Variants in STRA6 observed in about 807,000 individuals in gnomAD.
STRA6 encodes receptor for retinol uptake STRA6.
In STRA6, 48 loss-of-function variants were observed where a neutral mutation model predicts 83.6. The observed-to-expected ratio is 0.57, with a 90% CI of 0.46 to 0.73. The LOEUF is 0.73. Among genes scored for constraint, STRA6 ranks in the 30% least tolerant of loss-of-function variants. The probability of loss-of-function intolerance (pLI) is 0.00; values close to 1 mark genes in which losing one functional copy is unlikely to be tolerated. For synonymous variants in STRA6, 353 were observed against 362.3 expected, an observed-to-expected ratio of 0.97 and a Z score of 0.29; for missense variants, 760 against 838.8, an observed-to-expected ratio of 0.91 and a Z score of 1.16.
At chr15:74,181,512 G>C in intron 16 of STRA6, 54 bp from the exon 17 acceptor site, 1 of 1,599,300 alleles carries the variant, frequency 6.3e-7, no homozygotes, top group Non-Finnish European at 8.5e-7. Context: ...TCCCTCCCCA[G>C]GGTCAGTGTC....
intron 8 of STRA6, chr15:74,191,867 C>T: frequency 2.6e-6 from 1 of 385,822 alleles, no homozygotes. Flanking sequence ...GTCCCACGGG[C>T]ACATCCTAGA....
intron 1 of STRA6, chr15:74,202,501 C>A: frequency 6.5e-7 from 1 of 1,529,144 alleles, no homozygotes; most frequent in Non-Finnish European, 8.7e-7. Flanking sequence ...CTCGTGTCCC[C>A]TCCTCCCTTC....
chr15:74,194,285 G>T, intron 7 of STRA6: 1 of 1,061,118 alleles, frequency 9.4e-7, no homozygotes, highest in Non-Finnish European at 1.2e-6. Flanking sequence ...GCCTGCCTTT[G>T]CCTACATATA....
chr15:74,205,632 A>G (rs537690677), upstream of STRA6, among the ~76,000 whole-genome samples: 14 of 152,326 alleles, frequency 9.2e-5, no homozygotes, highest in African/African-American at 2.9e-4. Flanking sequence ...CATCCAAACC[A>G]TATCGGGCAC....
At chr15:74,191,111 G>C in intron 10 of STRA6, 56 bp downstream of exon 10, 1 of 1,601,240 alleles carries the variant, frequency 6.2e-7, no homozygotes, top group East Asian at 2.3e-5. Context: ...CAGCCATTCT[G>C]TGCAAGGGAG....
In STRA6 at chr15:74,202,155, C is replaced by T. The variant is rs1466600239; in HGVS notation, c.113G>A (p.Gly38Glu). 1.0e-5 allele frequency: 15 copies of T among 1,498,422 alleles called. No individual in the cohort carries two copies. Among genetic ancestry groups the T allele is most frequent in the Middle Eastern group, 1.8e-4 (1 of 5,544 alleles). 92.8% of individuals were successfully genotyped at this position (1,498,422 alleles called of 1,614,324 possible). A position where few individuals can be genotyped will look rare whatever the true frequency, so the allele number is the denominator to read the frequency against. The change falls in exon 2 of 19, where the codon GGG (glycine) becomes GAG (glutamate). Residue 38 changes from glycine (G) to glutamate (E), a missense_variant and splice_region_variant. Physicochemically the swap from Gly to Glu is moderately conservative, Grantham distance 98. Transcript: ENST00000395105. ...TGAGGTGGGGTGGTTCCACACTTAC[C>T]CCTCTGGCTGGAGCTCCTCGCCCCC... ...PQGGEELQPEGEVPSCHTSIP... is the reference protein window; with the variant it reads ...PQGGEELQPEEEVPSCHTSIP...
chr15:74,192,294 G>C (rs1485537552), intron 8 of STRA6, among the ~76,000 whole-genome samples: 1 of 152,050 alleles, frequency 6.6e-6, no homozygotes, highest in South Asian at 2.1e-4. Context: ...GTGTCGTCCC[G>C]GGGGGCCGCT....
rs1383381146 is a variant in STRA6, at chr15:74,196,256, T to C, written c.267-109A>G. The C allele has an allele frequency of 6.1e-6, 9 of 1,483,224 alleles. No individual in the cohort carries two copies. The Admixed American group carries it at 9.7e-5, about 16-fold the overall frequency. The allele number at this position is 1,483,224 out of a possible 1,614,324, so 91.9% of individuals were successfully genotyped here. ...AGGAGGTGGAGTCAGTCCCACTTTC[T>C]AGATGGGGGAATAAGGCCCCTTCAT... On this transcript the variant is annotated intron_variant, in intron 4 of 18. Transcript: ENST00000395105.
At chr15:74,193,006 T>C (rs1026129783) in intron 8 of STRA6, among the ~76,000 whole-genome samples, 2 of 152,166 alleles carry the variant, frequency 1.3e-5, no homozygotes, top group African/African-American at 2.4e-5. Flanking sequence ...GCCTGACATA[T>C]GGTAGGTGCT....
chr15:74,210,797 A>G (rs2074355214), upstream of STRA6, among the ~76,000 whole-genome samples: 1 of 152,168 alleles, frequency 6.6e-6, no homozygotes, highest in Non-Finnish European at 1.5e-5. Flanking sequence ...AGTGACTTGG[A>G]AAAAGAGTGT....
At chr15:74,193,594 C>T (rs1032989412) in intron 8 of STRA6, among the ~76,000 whole-genome samples, 3 of 152,172 alleles carry the variant, frequency 2.0e-5, no homozygotes, top group Non-Finnish European at 2.9e-5. Flanking sequence ...CCCAGTGCCG[C>T]GGGTATCCTG....
chr15:74,190,828 T>C lies in STRA6; in HGVS notation c.927+12A>G, dbSNP rs754274445. On this transcript the variant is annotated intron_variant, in intron 11 of 18. Transcript: ENST00000395105. ...TCCAGAGGCAGATGGCAGTACAGGG[T>C]GAGGGACATACCTGGTAAATGGCCG... is the stretch of plus-strand genomic sequence containing the variant. 1.5e-5 allele frequency: 25 copies of C among 1,613,904 alleles called. No homozygotes were observed. The South Asian group carries it at 2.7e-4, about 18-fold the overall frequency.
chr15:74,202,487 G>A lies in STRA6; in HGVS notation c.-15-205C>T, dbSNP rs973639705. The A allele has an allele frequency of 9.1e-6, 14 of 1,534,274 alleles. No individual in the cohort carries two copies. The Admixed American group carries it at 1.2e-4, about 13-fold the overall frequency. ...CAAGCTGGCACGGGAAGAGGACAGGGCCTCTCGTGTCCCCTCCTCCCTTCC... is the reference window on the plus strand; with the variant it reads ...CAAGCTGGCACGGGAAGAGGACAGGACCTCTCGTGTCCCCTCCTCCCTTCC... On this transcript the variant is annotated intron_variant, in intron 1 of 18. Coordinates refer to ENST00000395105, the MANE Select transcript of STRA6 (RefSeq NM_022369.4).
intron 2 of STRA6, among the ~76,000 whole-genome samples, chr15:74,199,394 G>A (rs983279783): frequency 4.6e-5 from 7 of 152,158 alleles, no homozygotes; most frequent in African/African-American, 7.2e-5. Context: ...AACTGGGATC[G>A]TGAGTAGCAG....
rs2074302403 is a variant in STRA6, at chr15:74,208,024, GC to G, written c.-16+775del. On this transcript the variant is annotated intron_variant, in intron 1 of 18. Transcript: ENST00000323940. ...GATGTGCCCTTCCTGCAATTCTCAT[GC>G]CCCCCTCACCAACAGCATCATCATA... 8.7e-6 allele frequency: 12 copies of G among 1,372,092 alleles called. No homozygotes were observed. In the Admixed American group the frequency reaches 3.6e-4, roughly 41 times the overall value. 85.0% of individuals were successfully genotyped at this position (1,372,092 alleles called of 1,614,324 possible).
chr15:74,208,938 G>A (rs1157416669), exon 1 of STRA6: 1 of 997,520 alleles, frequency 1.0e-6, no homozygotes, highest in Non-Finnish European at 1.2e-6. Context: ...AGCACCAGCT[G>A]GGCTGGGATC....
chr15:74,208,612 C>G (rs367672532), intron 1 of STRA6, among the ~76,000 whole-genome samples: 2 of 152,108 alleles, frequency 1.3e-5, no homozygotes, highest in African/African-American at 4.8e-5. Context: ...CCCCAGTGTC[C>G]CCTGAGGGCA....
At position 74,182,150 on chromosome 15, in the gene STRA6, T is replaced by C. The variant is rs999866606; in HGVS notation, c.1520+11A>G. 6.2e-7 allele frequency: 1 copy of C among 1,613,060 alleles called. No homozygotes were observed. Among genetic ancestry groups the C allele is most frequent in the Non-Finnish European group, 8.5e-7 (1 of 1,179,176 alleles). On this transcript the variant is annotated intron_variant, in intron 16 of 18. Coordinates refer to ENST00000395105, the MANE Select transcript of STRA6 (RefSeq NM_022369.4). Reference sequence around the variant, plus strand: ...GGCCTGAGGGAGCCACAAGCCCAGATGCCACCTCACCGGTTGGTCAGCTGT... The same window carrying C: ...GGCCTGAGGGAGCCACAAGCCCAGACGCCACCTCACCGGTTGGTCAGCTGT...
chr15:74,211,007 G>GGAGGTACA (rs1434195607), upstream of STRA6, among the ~76,000 whole-genome samples: 1 of 152,136 alleles, frequency 6.6e-6, no homozygotes, highest in East Asian at 1.9e-4. Flanking sequence ...CAGATTATAA[G>GGAGGTACA]GCTGAAGGAG....
Sources: gnomAD v4.1 joint callset for allele counts (sites outside exome capture counted in the v4.1 genomes callset) on GRCh38, gnomAD v4.1.1 for gene constraint, MANE v1.5 for transcripts, NCBI Gene and HGNC (gene_info 2026-07-23, HGNC 2026-07-21) for gene names.